WWOX: variants seen among roughly 807,000 people sequenced by gnomAD.
WWOX encodes WW domain containing oxidoreductase.
A neutral mutation model predicts 46.2 loss-of-function variants in WWOX; 69 were observed. The observed-to-expected ratio is 1.49, with a 90% CI of 1.23 to 1.82. The LOEUF (loss-of-function observed/expected upper bound fraction) is 1.82. Among genes scored for constraint, WWOX ranks in the 40% most tolerant of loss-of-function variants. The pLI is 0.00. For synonymous variants in WWOX, 359 were observed against 202.6 expected, an observed-to-expected ratio of 1.77 and a Z score of -6.56; for missense variants, 919 against 542.6, an observed-to-expected ratio of 1.69 and a Z score of -6.89.
chr16:79,043,208 A>AG (rs1004950929), intron 8 of WWOX, among the ~76,000 whole-genome samples: 1 of 152,166 alleles, frequency 6.6e-6, no homozygotes, highest in African/African-American at 2.4e-5. Context: ...AAATGAAAAA[A>AG]AAATCTATGT....
chr16:78,685,329 C>G (rs1252739122), intron 8 of WWOX, among the ~76,000 whole-genome samples: 1 of 152,094 alleles, frequency 6.6e-6, no homozygotes, highest in African/African-American at 2.4e-5. Context: ...AGCCTAATAA[C>G]TTTCATTCTG....
chr16:79,193,651 T>G (rs1011480298), intron 8 of WWOX, among the ~76,000 whole-genome samples: 1 of 152,184 alleles, frequency 6.6e-6, no homozygotes, highest in Non-Finnish European at 1.5e-5. Flanking sequence ...GCACATCTTT[T>G]CTTACTGCCG....
intron 8 of WWOX, among the ~76,000 whole-genome samples, chr16:78,750,991 C>T (rs1423515941): frequency 2.6e-5 from 4 of 152,044 alleles, no homozygotes; most frequent in Non-Finnish European, 1.5e-5. Context: ...GATTTATTTT[C>T]CTTTGAATGT....
Position 78,699,553 on chromosome 16 carries a change from C to T in WWOX, c.1056+266801C>T, listed in dbSNP as rs558546230. The stretch of plus-strand genomic sequence containing the variant: ...GACCCTGTCTCAAGAAACCGAAAAA[C>T]GAAAGAAAAACAAGTTCATGAGATA... On this transcript the variant is annotated intron_variant, in intron 8 of 8. Transcript: ENST00000566780. 1.3e-4 allele frequency among the ~76,000 whole-genome samples: 20 copies of T among 152,098 alleles called. No individual in the cohort carries two copies. The South Asian group carries it at 2.3e-3, about 17-fold the overall frequency.
rs72794719 is a variant in WWOX, at chr16:78,655,889, C to T, written c.1056+223137C>T. Among the ~76,000 whole-genome samples the T allele has an allele frequency of 4.2e-3, 646 of 152,302 alleles. 5 individuals are homozygous for T. Among genetic ancestry groups the T allele is most frequent in the Non-Finnish European group, 7.5e-3 (512 of 68,032 alleles). On this transcript the variant is annotated intron_variant, in intron 8 of 8. Transcript: ENST00000566780. The stretch of plus-strand genomic sequence containing the variant: ...GGCTGTCTGTGTGTGTTCCTTTTCT[C>T]AGTACCCCAGCTCTGTATTCGAGCG...
chr16:78,712,551 T>C (rs1453460311), intron 8 of WWOX, among the ~76,000 whole-genome samples: 1 of 151,818 alleles, frequency 6.6e-6, no homozygotes, highest in Non-Finnish European at 1.5e-5. Flanking sequence ...AGACACATAG[T>C]ACCAGATGGA....
At chr16:78,837,251 C>G (rs746454632) in intron 8 of WWOX, among the ~76,000 whole-genome samples, 1 of 152,182 alleles carries the variant, frequency 6.6e-6, no homozygotes, top group Non-Finnish European at 1.5e-5. Flanking sequence ...GCTCTTATCA[C>G]GGTTCATAGA....
rs548762795 is a variant in WWOX at position 78,440,758 on chromosome 16, A to G, written c.1056+8006A>G. Among the ~76,000 whole-genome samples the G allele has an allele frequency of 2.0e-5, 3 of 151,970 alleles. No individual in the cohort carries two copies. The South Asian group carries it at 6.2e-4, about 32-fold the overall frequency. ...CTCAGCCTCCCAAGTAGCTGGGATTACAAGCACTGGCCACCAAACCCAGCT... is the reference window on the plus strand; with the variant it reads ...CTCAGCCTCCCAAGTAGCTGGGATTGCAAGCACTGGCCACCAAACCCAGCT... On this transcript the variant is annotated intron_variant, in intron 8 of 8. Transcript: ENST00000566780.
At chr16:78,778,168 G>T (rs1194987830) in intron 8 of WWOX, among the ~76,000 whole-genome samples, 1 of 152,028 alleles carries the variant, frequency 6.6e-6, no homozygotes, top group Non-Finnish European at 1.5e-5. Context: ...CACACAGTTA[G>T]CTTTATAGTT....
intron 5 of WWOX, among the ~76,000 whole-genome samples, chr16:78,347,074 T>C (rs374240024): frequency 7.6e-5 from 9 of 118,778 alleles, no homozygotes; most frequent in East Asian, 5.8e-4. Flanking sequence ...ATAGGTTTAT[T>C]GAGATATAAT....
intron 8 of WWOX, among the ~76,000 whole-genome samples, chr16:78,455,350 A>G (rs1567583555): frequency 6.6e-6 from 1 of 152,086 alleles, no homozygotes; most frequent in Non-Finnish European, 1.5e-5. Context: ...TAATATTTTA[A>G]AAAATCGAGG....
chr16:79,103,606 T>C (rs57980546), intron 8 of WWOX, among the ~76,000 whole-genome samples: 1,702 of 152,326 alleles, frequency 0.011, 41 homozygotes, highest in African/African-American at 0.039. Context: ...AGTTTGACTT[T>C]GCTAAAGGAA....
chr16:78,736,496 A>G (rs1258374359), intron 8 of WWOX, among the ~76,000 whole-genome samples: 2 of 152,162 alleles, frequency 1.3e-5, no homozygotes, highest in East Asian at 3.9e-4. Context: ...TCAAAGTCTC[A>G]CATGTGACAA....
chr16:78,500,863 C>T (rs2085045644), intron 8 of WWOX, among the ~76,000 whole-genome samples: 1 of 152,120 alleles, frequency 6.6e-6, no homozygotes, highest in Non-Finnish European at 1.5e-5. Context: ...TGCTAGGAGT[C>T]GATATTTTCT....
Position 78,236,053 on chromosome 16 carries a change from C to T in WWOX, c.516+71764C>T, listed in dbSNP as rs866652373. Among the ~76,000 whole-genome samples, 10 of 152,314 alleles carry T rather than the reference C, an allele frequency of 6.6e-5. No individual in the cohort carries two copies. In the South Asian group the frequency reaches 2.1e-3, roughly 32 times the overall value. ...AATATATAAATGGACGGATGTGTTC[C>T]AATAAAACTTTATTTATAGGAACAG... On this transcript the variant is annotated intron_variant, in intron 5 of 8. Coordinates refer to ENST00000566780, the MANE Select transcript of WWOX (RefSeq NM_016373.4).
At chr16:79,052,645 C>G (rs1242063012) in intron 8 of WWOX, among the ~76,000 whole-genome samples, 2 of 152,166 alleles carry the variant, frequency 1.3e-5, no homozygotes, top group Non-Finnish European at 2.9e-5. Flanking sequence ...CCCTTTCCAG[C>G]CAATGGAAAC....
At chr16:78,515,146 C>T (rs915370218) in intron 8 of WWOX, among the ~76,000 whole-genome samples, 3 of 152,150 alleles carry the variant, frequency 2.0e-5, no homozygotes, top group Non-Finnish European at 4.4e-5. Context: ...ATCACTTGAA[C>T]CCGGGAGGCG....
intron 8 of WWOX, among the ~76,000 whole-genome samples, chr16:78,546,170 G>C (rs565806759): frequency 6.6e-6 from 1 of 152,130 alleles, no homozygotes; most frequent in Admixed American, 6.5e-5. Flanking sequence ...CTAATACTAT[G>C]ACAAAGAATG....
intron 8 of WWOX, among the ~76,000 whole-genome samples, chr16:78,848,689 C>T (rs141696539): frequency 6.6e-6 from 1 of 152,154 alleles, no homozygotes; most frequent in Admixed American, 6.5e-5. Flanking sequence ...AAAGCAAAGC[C>T]TAGATCAGTC....
Sources: allele counts gnomAD v4.1 joint callset (sites outside exome capture counted in the v4.1 genomes callset), GRCh38; gene constraint gnomAD v4.1.1; transcripts MANE v1.5; gene names NCBI Gene and HGNC (gene_info 2026-07-23, HGNC 2026-07-21).